Variants in PCDHB13 observed in about 807,000 individuals in gnomAD.
The protein encoded by PCDHB13 is protocadherin beta-13.
For synonymous variants in PCDHB13, 515 were observed against 450.7 expected, an observed-to-expected ratio of 1.14 and a Z score of -1.81; for missense variants, 1,065 against 1,016.7, an observed-to-expected ratio of 1.05 and a Z score of -0.65.
At position 141,215,407 on chromosome 5, in the gene PCDHB13, C is replaced by A. The variant is rs575952077; in HGVS notation, c.1284C>A (p.Thr428=). Reference sequence around the variant, plus strand: ...CTATCACTGTCACTGACTTGGGGACCCCTATGCTGATAACACAGCTCAATA... The same window carrying A: ...CTATCACTGTCACTGACTTGGGGACACCTATGCTGATAACACAGCTCAATA... ...NITITVTDLG[T]PMLITQLNMT... Residue 428 remains threonine (T), a synonymous_variant, in exon 1 of 1, where the codon ACC becomes ACA. Coordinates refer to ENST00000341948, the MANE Select transcript of PCDHB13 (RefSeq NM_018933.4). The A allele has an allele frequency of 4.3e-6, 7 of 1,614,168 alleles. No individual in the cohort carries two copies. The highest frequency in any genetic ancestry group is 1.7e-5 in the Admixed American group (1 of 60,014).
Position 141,216,154 on chromosome 5 carries a change from C to A in PCDHB13, c.2031C>A (p.Ala677=), listed in dbSNP as rs140970506. 2.4e-5 allele frequency: 39 copies of A among 1,611,686 alleles called. No individual in the cohort carries two copies. The Middle Eastern group carries it at 5.8e-4, about 24-fold the overall frequency. The change falls in exon 1 of 1, where the codon GCC becomes GCA. Residue 677 remains alanine, a synonymous_variant. Transcript: ENST00000341948. Reference sequence around the variant, plus strand: ...CCTACCTGCCTCTCCCGGAGGCGGCCCCGACCCAGGCCCAGGCCGACTTGC... The same window carrying A: ...CCTACCTGCCTCTCCCGGAGGCGGCACCGACCCAGGCCCAGGCCGACTTGC... ...SQPYLPLPEA[A]PTQAQADLLT...
Position 141,214,895 on chromosome 5 carries a change from G to C in PCDHB13, c.772G>C (p.Val258Leu), listed in dbSNP as rs17844609. 2 of 1,574,150 alleles carry C rather than the reference G, an allele frequency of 1.3e-6. No homozygotes were observed. The change falls in exon 1 of 1, where the codon GTA becomes CTA. Residue 258 changes from valine (V) to leucine (L), a missense_variant. Transcript: ENST00000341948. Reference sequence around the variant, plus strand: ...AGTGCAGATCTCTGAGGACAGTCCGGTAGGCTTCCTGGTTGTGAAGGTCTC... The same window carrying C: ...AGTGCAGATCTCTGAGGACAGTCCGCTAGGCTTCCTGGTTGTGAAGGTCTC... ...YRVQISEDSP[V>L]GFLVVKVSAT...
Position 141,215,939 on chromosome 5 carries a change from C to T in PCDHB13, c.1816C>T (p.Leu606=). The change falls in exon 1 of 1, where the codon CTG becomes TTG. Residue 606 remains leucine (L), a synonymous_variant. Coordinates refer to ENST00000341948, the MANE Select transcript of PCDHB13 (RefSeq NM_018933.4). ...CCAGAACGCCTGGCTGTCGTACCAG[C>T]TGCTCAAGGCCACGGAGCTCGGTCT... is the stretch of plus-strand genomic sequence containing the variant. ...SGQNAWLSYQ[L]LKATELGLFG... is the part of the protein sequence containing the mutation. 4.4e-6 allele frequency: 7 copies of T among 1,607,252 alleles called. No individual in the cohort carries two copies. The highest frequency in any genetic ancestry group is 5.9e-6 in the Non-Finnish European group (7 of 1,179,344).
chr5:141,218,253 C>T lies in PCDHB13; in HGVS notation c.*1733C>T, dbSNP rs1260640358. ...TATGAGCACCTGGCCTCAACTACTTCTTGAAGATATTTTAAAACTTTATCT... is the reference window on the plus strand; with the variant it reads ...TATGAGCACCTGGCCTCAACTACTTTTTGAAGATATTTTAAAACTTTATCT... On this transcript the variant is annotated 3_prime_UTR_variant, in exon 1 of 1. Transcript: ENST00000341948. 1 of 166,826 alleles carries T rather than the reference C, an allele frequency of 6.0e-6. No individual in the cohort carries two copies. The highest frequency in any genetic ancestry group is 1.5e-5 in the Non-Finnish European group (1 of 68,132). The allele number at this position is 166,826 out of a possible 1,614,324, so 10.3% of individuals were successfully genotyped here.
At position 141,218,394 on chromosome 5, in the gene PCDHB13, T is replaced by C. The variant is rs1754660894; in HGVS notation, c.*1874T>C. On this transcript the variant is annotated 3_prime_UTR_variant, in exon 1 of 1. Transcript: ENST00000341948. ...ATACTTCTGACTCAGATTTCACTAC[T>C]GGTTCTGTTGAGCTTTGTCAACTGA... 1 of 167,062 alleles carries C rather than the reference T, an allele frequency of 6.0e-6. No individual in the cohort carries two copies. The highest frequency in any genetic ancestry group is 2.4e-5 in the African/African-American group (1 of 41,406). 10.3% of individuals were successfully genotyped at this position (167,062 alleles called of 1,614,324 possible).
chr5:141,216,343 C>G lies in PCDHB13; in HGVS notation c.2220C>G (p.Ser740Arg). 1 of 1,614,118 alleles carries G rather than the reference C, an allele frequency of 6.2e-7. No homozygotes were observed. Among genetic ancestry groups the G allele is most frequent in the South Asian group, 1.1e-5 (1 of 91,076 alleles). ...TTCCAGGGCATCTTGTGGACATGAG[C>G]GGCACCAGGACCCTATCCCAGAGCT... The part of the protein sequence containing the change: ...GPLPGHLVDM[S>R]GTRTLSQSYQ... Residue 740 changes from serine to arginine, a missense_variant, in exon 1 of 1, where the codon AGC becomes AGG. Ser to Arg is a moderately radical substitution (Grantham distance 110, BLOSUM62 -1). Transcript: ENST00000341948.
rs782509931 is a variant in PCDHB13 at position 141,214,758 on chromosome 5, C to T, written c.635C>T (p.Thr212Ile). ...DREEEAELRLTLTALDGGSPP... is the reference protein window; with the variant it reads ...DREEEAELRLILTALDGGSPP... ...GAGGAAGAAGCTGAGCTCAGGTTAA[C>T]ACTCACAGCACTGGATGGTGGCTCT... The change falls in exon 1 of 1, where the codon ACA becomes ATA. Residue 212 changes from threonine to isoleucine, a missense_variant. Thr to Ile is a moderately conservative substitution (Grantham distance 89). Coordinates refer to ENST00000341948, the MANE Select transcript of PCDHB13 (RefSeq NM_018933.4). 2.5e-6 allele frequency: 4 copies of T among 1,614,036 alleles called. No individual in the cohort carries two copies. The East Asian group carries it at 6.7e-5, about 27-fold the overall frequency.
In PCDHB13 at chr5:141,215,362, C is replaced by T. The variant is rs1554287879; in HGVS notation, c.1239C>T (p.Ser413=). The T allele has an allele frequency of 3.7e-6, 6 of 1,614,158 alleles. No individual in the cohort carries two copies. Among genetic ancestry groups the T allele is most frequent in the South Asian group, 1.1e-5 (1 of 91,086 alleles). Residue 413 remains serine (S), a synonymous_variant, in exon 1 of 1, where the codon AGC becomes AGT. Transcript: ENST00000341948. Reference sequence around the variant, plus strand: ...CGGAGAGACCACTAGACAGAGAAAGCAGAGCGGAATACAACATCACTATCA... The same window carrying T: ...CGGAGAGACCACTAGACAGAGAAAGTAGAGCGGAATACAACATCACTATCA... ...LLTERPLDRE[S]RAEYNITITV...
rs782331919 is a variant in PCDHB13 at position 141,215,736 on chromosome 5, C to T, written c.1613C>T (p.Ser538Phe). 3 of 1,612,112 alleles carry T rather than the reference C, an allele frequency of 1.9e-6. No individual in the cohort carries two copies. Among genetic ancestry groups the T allele is most frequent in the South Asian group, 2.2e-5 (2 of 90,988 alleles). The change falls in exon 1 of 1, where the codon TCC becomes TTC. Residue 538 changes from serine (S) to phenylalanine (F), a missense_variant. Ser to Phe is a radical substitution (Grantham distance 155). Coordinates refer to ENST00000341948, the MANE Select transcript of PCDHB13 (RefSeq NM_018933.4). ...QFRVGASDHG[S>F]PALSSEALVR... ...CGCGTGGGCGCTTCAGACCACGGCTCCCCGGCGCTGAGCAGCGAGGCGCTG... is the reference window on the plus strand; with the variant it reads ...CGCGTGGGCGCTTCAGACCACGGCTTCCCGGCGCTGAGCAGCGAGGCGCTG...
At position 141,217,655 on chromosome 5, in the gene PCDHB13, G is replaced by A. The variant is rs573918971; in HGVS notation, c.*1135G>A. On this transcript the variant is annotated 3_prime_UTR_variant, in exon 1 of 1. Transcript: ENST00000341948. ...TAAAAAAATTTTCAAAGCATTGTAG[G>A]GGAGTAGCTTTGTCTCATGTTAAAT... 1 of 167,022 alleles carries A rather than the reference G, an allele frequency of 6.0e-6. No individual in the cohort carries two copies. Among genetic ancestry groups the A allele is most frequent in the African/African-American group, 2.4e-5 (1 of 41,464 alleles). The allele number at this position is 167,022 out of a possible 1,614,324, so 10.3% of individuals were successfully genotyped here.
In PCDHB13 at chr5:141,216,062, A is replaced by G. The variant is rs1554288094; in HGVS notation, c.1939A>G (p.Asn647Asp). The change falls in exon 1 of 1, where the codon AAT becomes GAT. Residue 647 changes from asparagine to aspartate, a missense_variant. Physicochemically the swap from Asn to Asp is conservative, Grantham distance 23. Transcript: ENST00000341948. ...KHRLVVLVKD[N>D]GEPPRSATAT... The stretch of plus-strand genomic sequence containing the variant: ...CAGGCTGGTGGTGCTGGTCAAGGAC[A>G]ATGGCGAGCCTCCGCGCTCGGCCAC... 10 of 1,606,086 alleles carry G rather than the reference A, an allele frequency of 6.2e-6. No individual in the cohort carries two copies. Among genetic ancestry groups the G allele is most frequent in the Non-Finnish European group, 8.5e-6 (10 of 1,179,460 alleles).
rs1754660800 is a variant in PCDHB13, at chr5:141,218,392, A to G, written c.*1872A>G. The G allele has an allele frequency of 6.0e-6, 1 of 166,972 alleles. No homozygotes were observed. Among genetic ancestry groups the G allele is most frequent in the Non-Finnish European group, 1.5e-5 (1 of 68,136 alleles). The allele number at this position is 166,972 out of a possible 1,614,324, so 10.3% of individuals were successfully genotyped here. A position where few individuals can be genotyped will look rare whatever the true frequency, so the allele number is the denominator to read the frequency against. ...TTATACTTCTGACTCAGATTTCACTACTGGTTCTGTTGAGCTTTGTCAACT... is the reference window on the plus strand; with the variant it reads ...TTATACTTCTGACTCAGATTTCACTGCTGGTTCTGTTGAGCTTTGTCAACT... On this transcript the variant is annotated 3_prime_UTR_variant, in exon 1 of 1. Coordinates refer to ENST00000341948, the MANE Select transcript of PCDHB13 (RefSeq NM_018933.4).
At position 141,216,505 on chromosome 5, in the gene PCDHB13, G is replaced by A. The variant is rs781906402; in HGVS notation, c.2382G>A (p.Gly794=). The A allele has an allele frequency of 5.0e-6, 8 of 1,613,310 alleles. No individual in the cohort carries two copies. The South Asian group carries it at 5.5e-5, about 11-fold the overall frequency. The change falls in exon 1 of 1, where the codon GGG becomes GGA. Residue 794 remains glycine (G), a synonymous_variant. Transcript: ENST00000341948. The part of the protein sequence containing the change: ...QGNSTFPNNF[G]FNIQ Reference sequence around the variant, plus strand: ...ATTCTACCTTCCCCAATAACTTTGGGTTCAATATTCAGTGACCATAGTTGA... The same window carrying A: ...ATTCTACCTTCCCCAATAACTTTGGATTCAATATTCAGTGACCATAGTTGA...
chr5:141,214,187 G>A lies in PCDHB13; in HGVS notation c.64G>A (p.Gly22Ser). ...RQVLFSFLLL[G>S]LSLAGAAEPR... is the part of the protein sequence containing the mutation. ...AGTCCTTTTTTCCTTTCTCCTTTTG[G>A]GCTTATCTCTGGCGGGCGCGGCGGA... The change falls in exon 1 of 1, where the codon GGC becomes AGC. Residue 22 changes from glycine to serine, a missense_variant. Gly to Ser is a moderately conservative substitution (Grantham distance 56). Transcript: ENST00000341948. 4 of 1,611,630 alleles carry A rather than the reference G, an allele frequency of 2.5e-6. No individual in the cohort carries two copies. The highest frequency in any genetic ancestry group is 3.4e-6 in the Non-Finnish European group (4 of 1,178,810).
Position 141,215,824 on chromosome 5 carries a change from C to G in PCDHB13, c.1701C>G (p.Asn567Lys). ...CCTTCGTGCTGTACCCGCTGCAGAACGGCTCCGCGCCCTGCACCGAGCTGG... is the reference window on the plus strand; with the variant it reads ...CCTTCGTGCTGTACCCGCTGCAGAAGGGCTCCGCGCCCTGCACCGAGCTGG... ...NSPFVLYPLQ[N>K]GSAPCTELVP... The change falls in exon 1 of 1, where the codon AAC becomes AAG. Residue 567 changes from asparagine (N) to lysine (K), a missense_variant. Coordinates refer to ENST00000341948, the MANE Select transcript of PCDHB13 (RefSeq NM_018933.4). 6.2e-7 allele frequency: 1 copy of G among 1,610,622 alleles called. No homozygotes were observed. Among genetic ancestry groups the G allele is most frequent in the Non-Finnish European group, 8.5e-7 (1 of 1,179,536 alleles).
Position 141,215,624 on chromosome 5 carries a change from A to C in PCDHB13, c.1501A>C (p.Thr501Pro). 1 of 1,613,380 alleles carries C rather than the reference A, an allele frequency of 6.2e-7. No homozygotes were observed. Residue 501 changes from threonine to proline, a missense_variant, in exon 1 of 1, where the codon ACA becomes CCA. By Grantham distance (38) the Thr-to-Pro change is conservative. Transcript: ENST00000341948. The part of the protein sequence containing the change: ...LPPQDPHLPL[T>P]SLVSINADNG... Reference sequence around the variant, plus strand: ...GCCCCAGGACCCGCACCTGCCCCTCACATCCCTGGTCTCCATCAACGCGGA... The same window carrying C: ...GCCCCAGGACCCGCACCTGCCCCTCCCATCCCTGGTCTCCATCAACGCGGA...
Position 141,215,122 on chromosome 5 carries a change from C to G in PCDHB13, c.999C>G (p.Thr333=), listed in dbSNP as rs1754558369. 1.9e-6 allele frequency: 3 copies of G among 1,614,042 alleles called. No individual in the cohort carries two copies. The highest frequency in any genetic ancestry group is 3.3e-5 in the Admixed American group (2 of 60,016). ...CTGGAACCTTTTCTGGAAAATGCAC[C>G]GTTCTGATTCAAGTGATAGATGTGA... The part of the protein sequence containing the change: ...RDAGTFSGKC[T]VLIQVIDVND... The change falls in exon 1 of 1, where the codon ACC becomes ACG. Residue 333 remains threonine (T), a synonymous_variant. Coordinates refer to ENST00000341948, the MANE Select transcript of PCDHB13 (RefSeq NM_018933.4).
At position 141,216,933 on chromosome 5, in the gene PCDHB13, T is replaced by A. The variant is rs1554288264; in HGVS notation, c.*413T>A. Reference sequence around the variant, plus strand: ...AATGACTCCTATTCAGACATATCATTTTTCTTTTTTGTAAATCCAGTGCGT... The same window carrying A: ...AATGACTCCTATTCAGACATATCATATTTCTTTTTTGTAAATCCAGTGCGT... On this transcript the variant is annotated 3_prime_UTR_variant, in exon 1 of 1. Coordinates refer to ENST00000341948, the MANE Select transcript of PCDHB13 (RefSeq NM_018933.4). 3.9e-6 allele frequency: 1 copy of A among 253,638 alleles called. No individual in the cohort carries two copies. Among genetic ancestry groups the A allele is most frequent in the Admixed American group, 5.5e-5 (1 of 18,332 alleles). 15.7% of individuals were successfully genotyped at this position (253,638 alleles called of 1,614,324 possible).
In PCDHB13 at chr5:141,216,115, C is replaced by G. The variant is rs202162019; in HGVS notation, c.1992C>G (p.Asp664Glu). The G allele has an allele frequency of 9.9e-6, 16 of 1,609,008 alleles. No individual in the cohort carries two copies. The highest frequency in any genetic ancestry group is 4.5e-5 in the East Asian group (2 of 44,896). Reference sequence around the variant, plus strand: ...CCACGCTGCACGTGCTCCTGGTGGACGGCTTCTCCCAGCCCTACCTGCCTC... The same window carrying G: ...CCACGCTGCACGTGCTCCTGGTGGAGGGCTTCTCCCAGCCCTACCTGCCTC... Reference protein sequence around the residue: ...ATATLHVLLVDGFSQPYLPLP... With the variant: ...ATATLHVLLVEGFSQPYLPLP... Residue 664 changes from aspartate to glutamate, a missense_variant, in exon 1 of 1, where the codon GAC (aspartate) becomes GAG (glutamate). Asp to Glu is a conservative substitution (Grantham distance 45). Transcript: ENST00000341948.
Sources: allele counts gnomAD v4.1 joint callset, GRCh38; gene constraint gnomAD v4.1.1; transcripts MANE v1.5; gene names NCBI Gene and HGNC (gene_info 2026-07-23, HGNC 2026-07-21).